The following NPR1 variants were observed in gnomAD, a reference collection of about 807,000 sequenced individuals.
The protein encoded by NPR1 is atrial natriuretic peptide receptor 1.
A neutral mutation model predicts 116.9 loss-of-function variants in NPR1; 57 were observed. The ratio of observed to expected loss-of-function variants is 0.49; its 90% CI spans 0.39 to 0.61. NPR1 has a LOEUF of 0.61. NPR1 is among the 20% of genes least tolerant of loss of function. The pLI is 0.00. For synonymous variants in NPR1, 555 were observed against 601.6 expected, an observed-to-expected ratio of 0.92 and a Z score of 1.13; for missense variants, 1,096 against 1,409.8, an observed-to-expected ratio of 0.78 and a Z score of 3.56.
At position 153,689,637 on chromosome 1, in the gene NPR1, G is replaced by A; in HGVS notation, c.2757+116G>A. The A allele has an allele frequency of 8.0e-7, 1 of 1,253,354 alleles. No individual in the cohort carries two copies. Among genetic ancestry groups the A allele is most frequent in the Non-Finnish European group, 1.1e-6 (1 of 875,186 alleles). The allele number at this position is 1,253,354 out of a possible 1,614,324, so 77.6% of individuals were successfully genotyped here. ...AGAGAGGAGATCGGGGACACGGGCA[G>A]AGACAGTGACACAGGGAGACCCGGG... On this transcript the variant is annotated intron_variant, in intron 18 of 21. Coordinates refer to ENST00000368680, the MANE Select transcript of NPR1 (RefSeq NM_000906.4). This position sits in a 1 kb window ranked among gnomAD's most constrained non-coding sequence, Gnocchi z 5.1.
intron 20 of NPR1, among the ~76,000 whole-genome samples, chr1:153,692,508 A>ATTTTTTTTT (rs35874998): frequency 7.3e-6 from 1 of 136,954 alleles, no homozygotes; most frequent in East Asian, 2.2e-4. Context: ...TGAGGCCCTG[A>ATTTTTTTTT]TTTTTTTTTT....
Position 153,687,340 on chromosome 1 carries a change from A to G in NPR1, c.2076A>G (p.Gly692=). 6.2e-7 allele frequency: 1 copy of G among 1,614,064 alleles called. No individual in the cohort carries two copies. The highest frequency in any genetic ancestry group is 2.2e-5 in the East Asian group (1 of 44,880). ...ESFRDLDPEQ[G]HTVYAKKLWT... ...TCAGGGACCTGGACCCAGAGCAAGG[A>G]CACACCGTTTATGCCAGTGAGCCTT... Residue 692 remains glycine, a synonymous_variant, in exon 13 of 22, where the codon GGA becomes GGG. Coordinates refer to ENST00000368680, the MANE Select transcript of NPR1 (RefSeq NM_000906.4).
intron 2 of NPR1, chr1:153,680,956 G>T: frequency 1.7e-6 from 1 of 597,926 alleles, no homozygotes; most frequent in South Asian, 2.1e-5. Flanking sequence ...GCTTGAGGCG[G>T]GAGGAGGATA....
intron 9 of NPR1, 109 bp downstream of exon 9, chr1:153,685,989 G>C (rs950612859): frequency 1.2e-5 from 16 of 1,387,818 alleles, no homozygotes; most frequent in Non-Finnish European, 1.5e-5. Context: ...GGGAGCAGCA[G>C]ATGGGGGCCC....
chr1:153,685,366 A>G (rs1669899830), intron 8 of NPR1, among the ~76,000 whole-genome samples: 1 of 152,036 alleles, frequency 6.6e-6, no homozygotes, highest in Non-Finnish European at 1.5e-5. Context: ...TATGATGTGG[A>G]ACATAAAGCA....
chr1:153,687,975 A>AT, intron 14 of NPR1, 78 bp from the exon 15 acceptor site: 5 of 1,162,540 alleles, frequency 4.3e-6, no homozygotes, highest in Non-Finnish European at 5.0e-6. Context: ...TTCCCCTGCC[A>AT]TCTCAGCTGG....
In NPR1 at chr1:153,680,441, C is replaced by G. The variant is rs1405077303; in HGVS notation, c.722-60C>G. ...TCCTCCCTTGGGTGCCCCAGCTTTC[C>G]TACTCCTGTCTCTCCCGCAGTACCT... On this transcript the variant is annotated intron_variant, in intron 1 of 21. Coordinates refer to ENST00000368680, the MANE Select transcript of NPR1 (RefSeq NM_000906.4). The G allele has an allele frequency of 3.2e-6, 5 of 1,544,724 alleles. No homozygotes were observed. In the African/African-American group the frequency reaches 4.1e-5, roughly 13 times the overall value.
intron 9 of NPR1, 72 bp from the exon 10 acceptor site, chr1:153,686,051 G>A (rs1000686450): frequency 1.3e-6 from 2 of 1,531,896 alleles, no homozygotes; most frequent in Non-Finnish European, 1.8e-6. Flanking sequence ...GGGATGGGCT[G>A]TCGGGAGCAG....
intron 3 of NPR1, 40 bp downstream of exon 3, chr1:153,681,333 GC>G (rs1274253687): frequency 8.6e-7 from 1 of 1,158,054 alleles, no homozygotes; most frequent in Non-Finnish European, 1.3e-6. Context: ...TGGACCTCCA[GC>G]CCCCACTCCA....
At position 153,690,369 on chromosome 1, in the gene NPR1, G is replaced by A; in HGVS notation, c.3018G>A (p.Glu1006=). The A allele has an allele frequency of 6.4e-7, 1 of 1,557,226 alleles. No homozygotes were observed. Among genetic ancestry groups the A allele is most frequent in the East Asian group, 2.4e-5 (1 of 41,852 alleles). Residue 1006 remains glutamate, a synonymous_variant, in exon 20 of 22, where the codon GAG becomes GAA. Transcript: ENST00000368680. ...CAGTCAACACAGCCTCAAGAATGGAGTCTAATGGGGAAGGTACAGTGCCCC... is the reference window on the plus strand; with the variant it reads ...CAGTCAACACAGCCTCAAGAATGGAATCTAATGGGGAAGGTACAGTGCCCC... ...GDTVNTASRM[E]SNGEALKIHL... is the part of the protein sequence containing the mutation.
In NPR1 at chr1:153,679,150, G is replaced by T; in HGVS notation, c.42G>T (p.Leu14=). ...GCCCCGCTGGCTCCCGCCTGCGCCT[G>T]CTCCTGCTCCTGCTGCTGCCGCCGC... The part of the protein sequence containing the change: ...PRRPAGSRLR[L]LLLLLLPPLL... The change falls in exon 1 of 22, where the codon CTG becomes CTT. Residue 14 remains leucine, a synonymous_variant. Coordinates refer to ENST00000368680, the MANE Select transcript of NPR1 (RefSeq NM_000906.4). The surrounding 1 kb of genome is among the most constrained non-coding windows in gnomAD (Gnocchi z 4.2). The T allele has an allele frequency of 1.3e-6, 2 of 1,483,084 alleles. No individual in the cohort carries two copies. The highest frequency in any genetic ancestry group is 1.8e-6 in the Non-Finnish European group (2 of 1,124,948). 91.9% of individuals were successfully genotyped at this position (1,483,084 alleles called of 1,614,324 possible).
At chr1:153,680,890 C>T in intron 2 of NPR1, 190 bp downstream of exon 2, 1 of 629,260 alleles carries the variant, frequency 1.6e-6, no homozygotes, top group South Asian at 2.0e-5. Flanking sequence ...CAATGAAGGG[C>T]AGGGGACTGC....
chr1:153,687,391 C>A (rs1325672364), intron 13 of NPR1, 35 bp downstream of exon 13: 16 of 1,607,558 alleles, frequency 1.0e-5, no homozygotes, highest in Admixed American at 1.7e-5. Flanking sequence ...CACCTGCCCC[C>A]AGCACCACCC....
At position 153,686,157 on chromosome 1, in the gene NPR1, A is replaced by G; in HGVS notation, c.1715A>G (p.Lys572Arg). The G allele has an allele frequency of 6.2e-7, 1 of 1,614,176 alleles. No homozygotes were observed. Among genetic ancestry groups the G allele is most frequent in the Non-Finnish European group, 8.5e-7 (1 of 1,180,014 alleles). The change falls in exon 10 of 22, where the codon AAA becomes AGA. Residue 572 changes from lysine to arginine, a missense_variant. Transcript: ENST00000368680. ...GTGGCTGTGAAACGTGTGAACCGTA[A>G]ACGCATTGAGCTGACACGAAAAGTC... ...NLVAVKRVNR[K>R]RIELTRKVLF... is the part of the protein sequence containing the mutation.
At chr1:153,693,035 C>T in intron 20 of NPR1, 71 bp from the exon 21 acceptor site, 2 of 1,224,648 alleles carry the variant, frequency 1.6e-6, no homozygotes, top group Non-Finnish European at 1.2e-6. Flanking sequence ...AGTCCCTGGT[C>T]TCTTTTGCCT....
Position 153,683,393 on chromosome 1 carries a change from TG to T in NPR1, c.1284del (p.Thr429LeufsTer13). The T allele has an allele frequency of 1.2e-6, 2 of 1,614,138 alleles. No individual in the cohort carries two copies. Among genetic ancestry groups the T allele is most frequent in the Non-Finnish European group, 1.7e-6 (2 of 1,179,994 alleles). ...GAFRVVLNYN[G>X]TSQELVAVSG... ...TCCCTTAGGTTGTACTGAACTACAATGGGACTTCCCAAGAGCTGGTGGCTGT... is the reference window on the plus strand; with the variant it reads ...TCCCTTAGGTTGTACTGAACTACAATGGACTTCCCAAGAGCTGGTGGCTGT... On this transcript the variant is annotated frameshift_variant, in exon 6 of 22. Transcript: ENST00000368680. LOFTEE classifies it high-confidence loss of function.
intron 5 of NPR1, among the ~76,000 whole-genome samples, chr1:153,682,798 G>A (rs894201307): frequency 6.6e-6 from 1 of 152,240 alleles, no homozygotes; most frequent in Non-Finnish European, 1.5e-5. Flanking sequence ...CACTTGGGGA[G>A]CCCCATGCCT....
intron 20 of NPR1, among the ~76,000 whole-genome samples, chr1:153,692,515 T>TC (rs1670135400): frequency 1.3e-5 from 2 of 151,780 alleles, no homozygotes; most frequent in African/African-American, 4.8e-5. Flanking sequence ...CTGATTTTTT[T>TC]TTTTTTTTTT....
rs61757348 is a variant in NPR1 at position 153,680,486 on chromosome 1, T to C, written c.722-15T>C. On this transcript the variant is annotated splice_polypyrimidine_tract_variant and intron_variant, in intron 1 of 21. Transcript: ENST00000368680. ...GTACCTAGGCTTCTCTCTCTGACTC[T>C]CCGTCTTTCTCCAGTTATCTACATC... 4.1e-3 allele frequency: 6,693 copies of C among 1,613,384 alleles called. 198 individuals carry two copies. In the African/African-American group the frequency reaches 0.072, roughly 17 times the overall value.
Sources: gnomAD v4.1 joint callset for allele counts (sites outside exome capture counted in the v4.1 genomes callset) on GRCh38, gnomAD v4.1.1 for gene constraint, Gnocchi (gnomAD v3.1) non-coding constraint, MANE v1.5 for transcripts, NCBI Gene and HGNC (gene_info 2026-07-23, HGNC 2026-07-21) for gene names.